Variants in CSMD1 observed in about 807,000 individuals in gnomAD.
CSMD1 encodes CUB and Sushi multiple domains 1, also known as CUB and sushi domain-containing protein 1.
CSMD1 carries 213 observed loss-of-function variants against 417.5 expected under a neutral mutation model. That is an observed-to-expected ratio of 0.51 (90% confidence interval 0.46 to 0.57). The LOEUF (loss-of-function observed/expected upper bound fraction) is 0.57, where lower values mean the gene tolerates loss of function less well. Ranked by LOEUF, CSMD1 falls within the 20% of genes least tolerant of loss-of-function variation. The pLI is 0.00. For missense variants in CSMD1, 6,923 were observed against 4,529.7 expected (o/e 1.53, Z -15.17); for synonymous variants, 2,862 against 1,736.8 (o/e 1.65, Z -16.11).
intron 18 of CSMD1, among the ~76,000 whole-genome samples, chr8:3,372,907 A>G (rs995962201): frequency 7.2e-5 from 11 of 152,202 alleles, no homozygotes; most frequent in African/African-American, 2.4e-4. Context: ...CGTAGTGGGA[A>G]GAAAACCAGC....
At chr8:3,465,685 G>A (rs1012426977) in intron 12 of CSMD1, among the ~76,000 whole-genome samples, 2 of 152,180 alleles carry the variant, frequency 1.3e-5, no homozygotes, top group African/African-American at 4.8e-5. Flanking sequence ...GTTGGAGTAG[G>A]TAGGTCAGTA....
chr8:3,256,948 C>G (rs1335589894), intron 26 of CSMD1, among the ~76,000 whole-genome samples: 1 of 152,164 alleles, frequency 6.6e-6, no homozygotes, highest in Non-Finnish European at 1.5e-5. Flanking sequence ...TTATCTAAAA[C>G]TCAGTAAATT....
intron 3 of CSMD1, among the ~76,000 whole-genome samples, chr8:4,285,009 G>C (rs1212052560): frequency 2.0e-5 from 3 of 152,108 alleles, no homozygotes; most frequent in Non-Finnish European, 4.4e-5. Flanking sequence ...TTGTAAAATG[G>C]GGATAATAAT....
At chr8:4,992,630 C>T (rs1380428163) in intron 1 of CSMD1, among the ~76,000 whole-genome samples, 4 of 152,224 alleles carry the variant, frequency 2.6e-5, no homozygotes, top group Non-Finnish European at 5.9e-5. Flanking sequence ...CAGGGCACAA[C>T]CCTCTTTTCC....
chr8:3,073,112 C>T (rs1813424174), intron 49 of CSMD1, among the ~76,000 whole-genome samples: 1 of 152,104 alleles, frequency 6.6e-6, no homozygotes, highest in Admixed American at 6.5e-5. Flanking sequence ...TAAATAAATA[C>T]AAAAGTCCTA....
chr8:4,366,221 A>G (rs1802060785), intron 3 of CSMD1, among the ~76,000 whole-genome samples: 1 of 150,802 alleles, frequency 6.6e-6, no homozygotes, highest in Non-Finnish European at 1.5e-5. Context: ...AATGGTCTTC[A>G]ACTGCATCCA....
At chr8:4,179,650 A>C (rs984521100) in intron 3 of CSMD1, among the ~76,000 whole-genome samples, 168 of 152,248 alleles carry the variant, frequency 1.1e-3, no homozygotes, top group African/African-American at 3.9e-3. Flanking sequence ...CAACCTACAG[A>C]ATGGGAGGAA....
intron 1 of CSMD1, among the ~76,000 whole-genome samples, chr8:4,800,942 G>C (rs1391110619): frequency 6.6e-6 from 1 of 152,208 alleles, no homozygotes; most frequent in Non-Finnish European, 1.5e-5. Context: ...TCTCCTGATT[G>C]TTATTTTTTA....
intron 1 of CSMD1, among the ~76,000 whole-genome samples, chr8:4,886,743 G>C (rs1011443139): frequency 1.3e-5 from 2 of 151,460 alleles, no homozygotes; most frequent in Non-Finnish European, 2.9e-5. Flanking sequence ...CTTCTTTCTA[G>C]GACTTCTAAA....
chr8:4,316,589 A>C (rs751670309), intron 3 of CSMD1, among the ~76,000 whole-genome samples: 1 of 152,100 alleles, frequency 6.6e-6, no homozygotes, highest in African/African-American at 2.4e-5. Context: ...ATCGAGTCCT[A>C]AGACTTGGTG....
At chr8:4,837,877 A>C (rs1342844499) in intron 1 of CSMD1, among the ~76,000 whole-genome samples, 1 of 152,092 alleles carries the variant, frequency 6.6e-6, no homozygotes, top group African/African-American at 2.4e-5. Flanking sequence ...ATAAATATAT[A>C]CACCTAACGT....
chr8:3,554,489 G>A (rs1799056524), intron 10 of CSMD1, among the ~76,000 whole-genome samples: 1 of 152,258 alleles, frequency 6.6e-6, no homozygotes, highest in South Asian at 2.1e-4. Flanking sequence ...AAGGGAGGGT[G>A]GAAGGGAAGC....
intron 2 of CSMD1, among the ~76,000 whole-genome samples, chr8:4,450,508 G>C (rs1406843197): frequency 6.6e-6 from 1 of 152,076 alleles, no homozygotes; most frequent in East Asian, 1.9e-4. Context: ...GGTGGTGCGG[G>C]CCTGTAGTGC....
chr8:4,814,628 G>T (rs577716519), intron 1 of CSMD1, among the ~76,000 whole-genome samples: 2 of 152,228 alleles, frequency 1.3e-5, no homozygotes, highest in South Asian at 4.1e-4. Context: ...TATTGATCAA[G>T]GGTCTTCATG....
intron 3 of CSMD1, among the ~76,000 whole-genome samples, chr8:4,259,148 A>G (rs556051415): frequency 6.6e-6 from 1 of 152,234 alleles, no homozygotes; most frequent in Non-Finnish European, 1.5e-5. Context: ...CTACCTCCAA[A>G]CTATCTCACA....
intron 3 of CSMD1, among the ~76,000 whole-genome samples, chr8:4,277,780 C>G (rs1563377142): frequency 6.6e-6 from 1 of 152,188 alleles, no homozygotes; most frequent in African/African-American, 2.4e-5. Context: ...CGGAGTCTCA[C>G]TCTGTTGCCC....
rs10682206 is a variant in CSMD1 at position 4,212,174 on chromosome 8, T to TTATA, written c.416-180079_416-180076dup. Among the ~76,000 whole-genome samples the TTATA allele has an allele frequency of 2.3e-3, 342 of 145,742 alleles. 1 individual carries two copies. The highest frequency in any genetic ancestry group is 6.8e-3 in the East Asian group (34 of 5,036). On this transcript the variant is annotated intron_variant, in intron 3 of 69. Coordinates refer to ENST00000635120, the MANE Select transcript of CSMD1 (RefSeq NM_033225.6). ...AAAAAAGACTCTGTCACTTCCCTAT[T>TTATA]TATATATATATATATATATATTATT... is the stretch of plus-strand genomic sequence containing the variant.
chr8:4,306,816 T>C (rs1367863563), intron 3 of CSMD1, among the ~76,000 whole-genome samples: 3 of 141,068 alleles, frequency 2.1e-5, no homozygotes, highest in Non-Finnish European at 3.0e-5. Flanking sequence ...CACCAATCAA[T>C]CCCTAACATC....
At chr8:3,671,296 G>A (rs958345872) in intron 7 of CSMD1, among the ~76,000 whole-genome samples, 3 of 147,326 alleles carry the variant, frequency 2.0e-5, no homozygotes, top group African/African-American at 5.0e-5. Context: ...CACATCACAG[G>A]CACCTGATAA....
Sources: allele counts gnomAD v4.1 joint callset (sites outside exome capture counted in the v4.1 genomes callset), GRCh38; gene constraint gnomAD v4.1.1; transcripts MANE v1.5; gene names NCBI Gene and HGNC (gene_info 2026-07-23, HGNC 2026-07-21).